The following NEK4 variants were observed in gnomAD, a reference collection of about 807,000 sequenced individuals.
NEK4 encodes serine/threonine-protein kinase Nek4.
NEK4 carries 86 observed loss-of-function variants against 98.4 expected under a neutral mutation model. The ratio of observed to expected loss-of-function variants is 0.87; its 90% CI spans 0.73 to 1.05. The LOEUF is 1.05. Ranked by LOEUF, NEK4 falls within the 50% of genes least tolerant of loss-of-function variation. NEK4 has a pLI of 0.00. For missense variants in NEK4, 898 were observed against 950.3 expected (o/e 0.94, Z 0.72); for synonymous variants, 328 against 342.2 (o/e 0.96, Z 0.46).
rs1472648998 is a variant in NEK4 at position 52,741,399 on chromosome 3, A to C, written c.2093+12T>G. The C allele has an allele frequency of 6.5e-7, 1 of 1,531,320 alleles. No homozygotes were observed. Among genetic ancestry groups the C allele is most frequent in the East Asian group, 2.3e-5 (1 of 44,426 alleles). The allele number at this position is 1,531,320 out of a possible 1,614,324, so 94.9% of individuals were successfully genotyped here. A position where few individuals can be genotyped will look rare whatever the true frequency, so the allele number is the denominator to read the frequency against. On this transcript the variant is annotated intron_variant, in intron 13 of 15. Coordinates refer to ENST00000233027, the MANE Select transcript of NEK4 (RefSeq NM_003157.6). ...ATAGTTTATAAAGGGAGACAGAAAA[A>C]CAAGAACTTACCCTTCCCCGTAATC... is the stretch of plus-strand genomic sequence containing the variant.
At chr3:52,737,146 G>A (rs187161539) in intron 15 of NEK4, among the ~76,000 whole-genome samples, 1 of 152,084 alleles carries the variant, frequency 6.6e-6, no homozygotes, top group African/African-American at 2.4e-5. Flanking sequence ...CACTCACCAC[G>A]TTGGCCAGGC....
chr3:52,734,436 G>C (rs1363022720), intron 15 of NEK4, among the ~76,000 whole-genome samples: 4 of 134,894 alleles, frequency 3.0e-5, no homozygotes, highest in African/African-American at 1.1e-4. Context: ...CTAGGTAACA[G>C]AGTGAGACTC....
Position 52,760,946 on chromosome 3 carries a change from G to A in NEK4, c.822-10C>T, listed in dbSNP as rs1230990539. On this transcript the variant is annotated splice_polypyrimidine_tract_variant and intron_variant, in intron 5 of 15. Coordinates refer to ENST00000233027, the MANE Select transcript of NEK4 (RefSeq NM_003157.6). ...ATTTTTGGAGGTTTTTCTTTATAAA[G>A]AAGAAAAGAAAGAGTTATTATCAAT... 7 of 1,533,136 alleles carry A rather than the reference G, an allele frequency of 4.6e-6. No individual in the cohort carries two copies. Among genetic ancestry groups the A allele is most frequent in the Middle Eastern group, 1.7e-4 (1 of 5,774 alleles). 95.0% of individuals were successfully genotyped at this position (1,533,136 alleles called of 1,614,324 possible).
At chr3:52,733,786 C>A in intron 15 of NEK4, 1 of 424,992 alleles carries the variant, frequency 2.4e-6, no homozygotes, top group Non-Finnish European at 4.7e-6. Flanking sequence ...ATTCATGTGG[C>A]AAGGTGAATC....
intron 14 of NEK4, 82 bp downstream of exon 14, chr3:52,739,347 C>T (rs1384780463): frequency 1.7e-6 from 2 of 1,205,370 alleles, no homozygotes; most frequent in Admixed American, 1.8e-5. Context: ...TGCAGTGAGC[C>T]AAGATCACAC....
chr3:52,748,966 A>G (rs1032039632), intron 8 of NEK4, among the ~76,000 whole-genome samples: 1 of 152,066 alleles, frequency 6.6e-6, no homozygotes, highest in Non-Finnish European at 1.5e-5. Flanking sequence ...GTATGCCTGT[A>G]GTCCCAGCTA....
chr3:52,735,826 T>C (rs2097375068), intron 15 of NEK4, among the ~76,000 whole-genome samples: 1 of 152,258 alleles, frequency 6.6e-6, no homozygotes. Flanking sequence ...GAAAGTAAGT[T>C]AATTTCCTGA....
chr3:52,727,153 T>C (rs1368410433), intron 15 of NEK4, among the ~76,000 whole-genome samples: 5 of 152,046 alleles, frequency 3.3e-5, no homozygotes, highest in South Asian at 4.1e-4. Flanking sequence ...TTTGTATTTT[T>C]AGTAGAGACA....
chr3:52,746,962 C>T, intron 8 of NEK4, 58 bp from the exon 9 acceptor site: 1 of 1,323,980 alleles, frequency 7.6e-7, no homozygotes, highest in Non-Finnish European at 1.1e-6. Context: ...CATTGTAATC[C>T]AAAGTAAGTT....
In NEK4 at chr3:52,711,300, A is replaced by C. The variant is rs2097350122; in HGVS notation, c.*477T>G. The C allele has an allele frequency of 6.6e-6, 1 of 152,452 alleles. No homozygotes were observed. Among genetic ancestry groups the C allele is most frequent in the Non-Finnish European group, 1.5e-5 (1 of 68,082 alleles). The allele number at this position is 152,452 out of a possible 1,614,324, so 9.4% of individuals were successfully genotyped here. On this transcript the variant is annotated 3_prime_UTR_variant, in exon 16 of 16. Transcript: ENST00000233027. The stretch of plus-strand genomic sequence containing the variant: ...TCTTTAAATCTATTTCTAGAACTGA[A>C]TTGACTTTTTAAAATTTTATAATTT...
At chr3:52,734,531 T>A (rs370776003) in intron 15 of NEK4, among the ~76,000 whole-genome samples, 1 of 147,614 alleles carries the variant, frequency 6.8e-6, no homozygotes, top group Admixed American at 6.8e-5. Flanking sequence ...AAATTAGCCA[T>A]GTGTGGTGGC....
At chr3:52,736,705 T>C (rs1286410468) in intron 15 of NEK4, among the ~76,000 whole-genome samples, 3 of 152,214 alleles carry the variant, frequency 2.0e-5, no homozygotes, top group South Asian at 4.1e-4. Context: ...TTTATTTGAA[T>C]GTTAATATTA....
At chr3:52,735,758 A>G (rs1024594736) in intron 15 of NEK4, among the ~76,000 whole-genome samples, 2 of 152,270 alleles carry the variant, frequency 1.3e-5, no homozygotes, top group Non-Finnish European at 2.9e-5. Context: ...AATCAATCAT[A>G]ATTAGTAAAC....
chr3:52,716,785 ATTT>A (rs1336953590), intron 15 of NEK4, among the ~76,000 whole-genome samples: 2 of 152,236 alleles, frequency 1.3e-5, no homozygotes, highest in Non-Finnish European at 2.9e-5. Context: ...AGAAACATTT[ATTT>A]GAGAAAATCT....
intron 6 of NEK4, chr3:52,754,640 A>G: frequency 1.4e-6 from 1 of 718,782 alleles, no homozygotes; most frequent in Admixed American, 1.8e-5. Context: ...TGTCATAGGT[A>G]AAGCCTGGCT....
At chr3:52,765,427 G>A (rs867783357) in intron 4 of NEK4, among the ~76,000 whole-genome samples, 11 of 151,922 alleles carry the variant, frequency 7.2e-5, no homozygotes, top group Admixed American at 5.2e-4. Context: ...TAGCCTCATG[G>A]AACATACAAA....
chr3:52,714,024 C>T (rs1473456023), intron 15 of NEK4, among the ~76,000 whole-genome samples: 1 of 152,124 alleles, frequency 6.6e-6, no homozygotes, highest in African/African-American at 2.4e-5. Context: ...CCCTTGAGCT[C>T]AGGAGTTCAA....
At chr3:52,753,087 A>G (rs182451717) in intron 6 of NEK4, among the ~76,000 whole-genome samples, 14,162 of 151,152 alleles carry the variant, frequency 0.094, 1,626 homozygotes, top group African/African-American at 0.28. Flanking sequence ...CCAGCACTTG[A>G]GCTCAGGAGT....
intron 15 of NEK4, among the ~76,000 whole-genome samples, chr3:52,735,717 G>C (rs551335853): frequency 1.8e-4 from 27 of 152,358 alleles, no homozygotes; most frequent in African/African-American, 6.5e-4. Context: ...GCTCAGGCAT[G>C]CCTGGGGAAT....
Sources: allele counts gnomAD v4.1 joint callset (sites outside exome capture counted in the v4.1 genomes callset), GRCh38; gene constraint gnomAD v4.1.1; transcripts MANE v1.5; gene names NCBI Gene and HGNC (gene_info 2026-07-23, HGNC 2026-07-21).